The following EMILIN2 variants were observed in gnomAD, a reference collection of about 807,000 sequenced individuals.
The protein encoded by EMILIN2 is elastin microfibril interfacer 2.
In EMILIN2, 71 loss-of-function variants were observed where a neutral mutation model predicts 87.1. That is an observed-to-expected ratio of 0.82 (90% CI 0.67 to 0.99). EMILIN2 has a LOEUF of 0.99. Among genes scored for constraint, EMILIN2 ranks in the 50% least tolerant of loss-of-function variants. EMILIN2 has a pLI of 0.00. For synonymous variants in EMILIN2, 581 were observed against 563.4 expected, an observed-to-expected ratio of 1.03 and a Z score of -0.44; for missense variants, 1,407 against 1,371.8, an observed-to-expected ratio of 1.03 and a Z score of -0.40.
intron 2 of EMILIN2, among the ~76,000 whole-genome samples, chr18:2,873,294 C>G (rs188499058): frequency 6.6e-6 from 1 of 152,030 alleles, no homozygotes; most frequent in Non-Finnish European, 1.5e-5. Flanking sequence ...CCTGTAATCC[C>G]GGCTACTCAG....
intron 2 of EMILIN2, among the ~76,000 whole-genome samples, chr18:2,861,087 G>GTT (rs200522814): frequency 4.0e-5 from 6 of 151,642 alleles, no homozygotes; most frequent in African/African-American, 1.5e-4. Context: ...GGGGTTTTTT[G>GTT]TTTTTTTTCT....
chr18:2,909,548 C>A, intron 6 of EMILIN2, 143 bp from the exon 7 acceptor site: 1 of 998,978 alleles, frequency 1.0e-6, no homozygotes, highest in Non-Finnish European at 1.5e-6. Context: ...GGCTGTTGGG[C>A]ATGAGGAGTT....
intron 4 of EMILIN2, among the ~76,000 whole-genome samples, chr18:2,896,785 C>T (rs2076865897): frequency 1.3e-5 from 2 of 151,480 alleles, no homozygotes; most frequent in East Asian, 2.0e-4. Context: ...CTGGGAATTA[C>T]GGGCATGAGC....
chr18:2,903,807 T>C (rs1043655136), intron 4 of EMILIN2, among the ~76,000 whole-genome samples: 1 of 152,234 alleles, frequency 6.6e-6, no homozygotes, highest in African/African-American at 2.4e-5. Context: ...CCTCCTGGAA[T>C]TCTTGCTCTT....
At chr18:2,853,624 A>T (rs1040712891) in intron 2 of EMILIN2, among the ~76,000 whole-genome samples, 4 of 152,098 alleles carry the variant, frequency 2.6e-5, no homozygotes, top group Non-Finnish European at 4.4e-5. Context: ...CACTACCCCC[A>T]TTTTACAGGA....
At chr18:2,912,999 C>T (rs150257380) in intron 7 of EMILIN2, 68 bp from the exon 8 acceptor site, 2 of 1,531,312 alleles carry the variant, frequency 1.3e-6, no homozygotes, top group Non-Finnish European at 1.8e-6. Flanking sequence ...CACTGGGGGG[C>T]CACTTACTAC....
At position 2,891,894 on chromosome 18, in the gene EMILIN2, G is replaced by A. The variant is rs560360244; in HGVS notation, c.1767G>A (p.Thr589=). 17 of 1,614,102 alleles carry A rather than the reference G, an allele frequency of 1.1e-5. No individual in the cohort carries two copies. Among genetic ancestry groups the A allele is most frequent in the Admixed American group, 5.0e-5 (3 of 60,006 alleles). ...SLHLLKSLND[T]MHRKFQETEQ... is the part of the protein sequence containing the mutation. ...ACCTTTTGAAATCTCTCAACGACAC[G>A]ATGCACAGGAAGTTTCAAGAAACCG... Residue 589 remains threonine (T), a synonymous_variant, in exon 4 of 8, where the codon ACG becomes ACA. Transcript: ENST00000254528. The surrounding 1 kb of genome is among the most constrained non-coding windows in gnomAD (Gnocchi z 4.6).
Position 2,847,275 on chromosome 18 carries a change from C to G in EMILIN2, c.87C>G (p.His29Gln), listed in dbSNP as rs1210138833. ...CCCTGGTTGGCGCGGGGCTGTGCCA[C>G]GCCGGCCCGCAGCCCGGGTATCCCG... is the stretch of plus-strand genomic sequence containing the variant. ...LLALVGAGLC[H>Q]AGPQPGYPAR... The change falls in exon 1 of 8, where the codon CAC (histidine) becomes CAG (glutamine). Residue 29 changes from histidine to glutamine, a missense_variant. Coordinates refer to ENST00000254528, the MANE Select transcript of EMILIN2 (RefSeq NM_032048.3). The surrounding 1 kb of genome is among the most constrained non-coding windows in gnomAD (Gnocchi z 4.5). The G allele has an allele frequency of 1.2e-5, 16 of 1,318,114 alleles. No homozygotes were observed. Among genetic ancestry groups the G allele is most frequent in the Non-Finnish European group, 1.5e-5 (16 of 1,037,192 alleles). 81.7% of individuals were successfully genotyped at this position (1,318,114 alleles called of 1,614,324 possible).
At chr18:2,873,605 G>A (rs1193828469) in intron 2 of EMILIN2, among the ~76,000 whole-genome samples, 2 of 151,702 alleles carry the variant, frequency 1.3e-5, no homozygotes, top group Non-Finnish European at 2.9e-5. Flanking sequence ...TACTCGGGAG[G>A]CTGAGGCAGG....
chr18:2,911,562 TAAC>T (rs1311771569), intron 7 of EMILIN2, among the ~76,000 whole-genome samples: 3 of 152,214 alleles, frequency 2.0e-5, no homozygotes, highest in Admixed American at 1.3e-4. Context: ...GAGAGACAGT[TAAC>T]AACTGCAGGA....
intron 2 of EMILIN2, among the ~76,000 whole-genome samples, chr18:2,867,496 G>T (rs1366650934): frequency 6.6e-6 from 1 of 152,076 alleles, no homozygotes; most frequent in South Asian, 2.1e-4. Flanking sequence ...AGGACCCTGC[G>T]GCCTTCCGCA....
chr18:2,871,005 T>C (rs1252519233), intron 2 of EMILIN2, among the ~76,000 whole-genome samples: 2 of 152,204 alleles, frequency 1.3e-5, no homozygotes, highest in Non-Finnish European at 2.9e-5. Context: ...ACTAGACCTA[T>C]TGGATCAGTA....
rs751997599 is a variant in EMILIN2, at chr18:2,908,927, CCTTT to C, written c.2663-13_2663-10del. 756 of 1,613,658 alleles carry C rather than the reference CCTTT, an allele frequency of 4.7e-4. No homozygotes were observed. Among genetic ancestry groups the C allele is most frequent in the Non-Finnish European group, 5.8e-4 (688 of 1,180,020 alleles). On this transcript the variant is annotated splice_polypyrimidine_tract_variant and intron_variant, in intron 5 of 7. Coordinates refer to ENST00000254528, the MANE Select transcript of EMILIN2 (RefSeq NM_032048.3). ...TAGGGTCTTGTTTGACATGCCATTTCCTTTCTGTTTTTCAGGATACCCGAAGTCA... is the reference window on the plus strand; with the variant it reads ...TAGGGTCTTGTTTGACATGCCATTTCCTGTTTTTCAGGATACCCGAAGTCA...
intron 2 of EMILIN2, among the ~76,000 whole-genome samples, chr18:2,855,442 A>T (rs930489847): frequency 6.6e-6 from 1 of 152,238 alleles, no homozygotes; most frequent in East Asian, 1.9e-4. Flanking sequence ...AATAGCATTC[A>T]AATAGGGGTA....
At chr18:2,881,537 C>T (rs1568468066) in intron 2 of EMILIN2, among the ~76,000 whole-genome samples, 1 of 152,178 alleles carries the variant, frequency 6.6e-6, no homozygotes, top group Non-Finnish European at 1.5e-5. Context: ...GCCTTTCTTC[C>T]GCTCTGGGGC....
chr18:2,893,986 C>A (rs149245294), intron 4 of EMILIN2, among the ~76,000 whole-genome samples: 2 of 152,280 alleles, frequency 1.3e-5, no homozygotes, highest in African/African-American at 4.8e-5. Flanking sequence ...GGAACCTATT[C>A]CTGACCTCCC....
chr18:2,909,412 A>G (rs768789856), intron 6 of EMILIN2, among the ~76,000 whole-genome samples: 71 of 152,158 alleles, frequency 4.7e-4, no homozygotes, highest in Non-Finnish European at 9.0e-4. Flanking sequence ...ACTCACACGC[A>G]CATACACATG....
At position 2,848,014 on chromosome 18, in the gene EMILIN2, A is replaced by G. The variant is rs2076584874; in HGVS notation, c.257+83A>G. 7.0e-7 allele frequency: 1 copy of G among 1,432,386 alleles called. No individual in the cohort carries two copies. The highest frequency in any genetic ancestry group is 1.4e-5 in the South Asian group (1 of 73,490). 88.7% of individuals were successfully genotyped at this position (1,432,386 alleles called of 1,614,324 possible). ...GGGTGGGGTTGCTGCGCTGGGCTCC[A>G]GTCCCTCCGGTAAATCCCTTCCAGA... On this transcript the variant is annotated intron_variant, in intron 2 of 7. Coordinates refer to ENST00000254528, the MANE Select transcript of EMILIN2 (RefSeq NM_032048.3). The surrounding 1 kb of genome is among the most constrained non-coding windows in gnomAD (Gnocchi z 4.1).
intron 4 of EMILIN2, among the ~76,000 whole-genome samples, chr18:2,900,379 G>C (rs915174127): frequency 6.6e-6 from 1 of 152,138 alleles, no homozygotes; most frequent in Non-Finnish European, 1.5e-5. Context: ...TGTCGAGACA[G>C]AGTCTGGCTA....
Sources: allele counts gnomAD v4.1 joint callset (sites outside exome capture counted in the v4.1 genomes callset), GRCh38; gene constraint gnomAD v4.1.1; non-coding constraint Gnocchi (gnomAD v3.1); transcripts MANE v1.5; gene names NCBI Gene and HGNC (gene_info 2026-07-23, HGNC 2026-07-21).